SCN7A: variants seen among roughly 807,000 people sequenced by gnomAD.
SCN7A encodes the protein sodium channel protein type 7 subunit alpha.
SCN7A carries 138 observed loss-of-function variants against 155.2 expected under a neutral mutation model. That is an observed-to-expected ratio of 0.89 (90% CI 0.77 to 1.02). The LOEUF (loss-of-function observed/expected upper bound fraction) is 1.02, where lower values mean the gene tolerates loss of function less well. SCN7A is among the 50% of genes least tolerant of loss of function. The pLI is 0.00. For missense variants in SCN7A, 2,058 were observed against 1,986.6 expected (o/e 1.04, Z -0.68); for synonymous variants, 693 against 649.0 (o/e 1.07, Z -1.03).
At chr2:166,414,244 A>G (rs1431906219) in intron 21 of SCN7A, among the ~76,000 whole-genome samples, 2 of 82,694 alleles carry the variant, frequency 2.4e-5, no homozygotes, top group Non-Finnish European at 4.7e-5. Context: ...CTATATATGT[A>G]AATATATATA....
chr2:166,431,363 A>G (rs1701728324), intron 16 of SCN7A, among the ~76,000 whole-genome samples: 1 of 152,246 alleles, frequency 6.6e-6, no homozygotes, highest in East Asian at 1.9e-4. Context: ...TTCCTCTTAG[A>G]AGACAATTTG....
At chr2:166,443,376 T>C (rs1701998915) in intron 14 of SCN7A, 127 bp downstream of exon 14, 4 of 742,408 alleles carry the variant, frequency 5.4e-6, no homozygotes, top group Admixed American at 3.3e-5. Context: ...ACTCTTTATA[T>C]ACTAATCAAT....
intron 11 of SCN7A, among the ~76,000 whole-genome samples, chr2:166,453,602 T>TA (rs928480838): frequency 6.6e-6 from 1 of 152,190 alleles, no homozygotes; most frequent in Non-Finnish European, 1.5e-5. Flanking sequence ...ATTTTACAGA[T>TA]AAAAAAGTTG....
chr2:166,445,919 A>C (rs1188400488), intron 12 of SCN7A, among the ~76,000 whole-genome samples: 1 of 152,206 alleles, frequency 6.6e-6, no homozygotes, highest in East Asian at 1.9e-4. Context: ...TAAAACCATA[A>C]AAACCTAGAA....
chr2:166,447,962 T>C (rs1036154848), intron 11 of SCN7A, among the ~76,000 whole-genome samples: 7 of 152,180 alleles, frequency 4.6e-5, no homozygotes, highest in Non-Finnish European at 1.0e-4. Flanking sequence ...TTTGTATTGA[T>C]AACATTTCAA....
intron 2 of SCN7A, among the ~76,000 whole-genome samples, chr2:166,485,750 C>T (rs1266553342): frequency 6.6e-6 from 1 of 152,180 alleles, no homozygotes; most frequent in East Asian, 1.9e-4. Context: ...TTCTAAAGAA[C>T]TCAATGTTCC....
chr2:166,447,802 T>C, intron 11 of SCN7A, 94 bp from the exon 12 acceptor site: 2 of 784,236 alleles, frequency 2.6e-6, no homozygotes, highest in South Asian at 3.2e-5. Context: ...ATGCCACTTA[T>C]TCTCCCGGAG....
chr2:166,481,603 T>C (rs140728180), intron 2 of SCN7A, among the ~76,000 whole-genome samples: 22 of 152,184 alleles, frequency 1.4e-4, no homozygotes, highest in African/African-American at 4.8e-4. Flanking sequence ...ATATAACCTG[T>C]ATCTGTGTTG....
rs186603831 is a variant in SCN7A, at chr2:166,406,270, A to C, written c.4359T>G (p.Pro1453=). The C allele has an allele frequency of 7.6e-4, 1,231 of 1,613,248 alleles. 1 individual carries two copies. Among genetic ancestry groups the C allele is most frequent in the Non-Finnish European group, 9.5e-4 (1,124 of 1,179,522 alleles). ...CTTGAGTCCCAGGGTTAATTTTATC[A>C]GGATCACAGTCAGACCATTTACTGT... ...IFNSKWSDCD[P]DKINPGTQVR... The change falls in exon 26 of 26, where the codon CCT becomes CCG. Residue 1453 remains proline, a synonymous_variant. Transcript: ENST00000643258.
intron 25 of SCN7A, among the ~76,000 whole-genome samples, chr2:166,408,055 CCT>C (rs1701114807): frequency 6.6e-6 from 1 of 151,960 alleles, no homozygotes; most frequent in African/African-American, 2.4e-5. Flanking sequence ...CCCTTGCAAC[CCT>C]CTCAAATACA....
chr2:166,421,211 T>C lies in SCN7A; in HGVS notation c.3114A>G (p.Leu1038=). ...SMKFLRPLRV[L]SQFERMKVVV... ...TTACCTTCATTCTTTCAAATTGAGA[T>C]AGAACTCTGAGGGGCCGAAGGAATT... Residue 1038 remains leucine (L), a synonymous_variant, in exon 20 of 26, where the codon CTA becomes CTG. Coordinates refer to ENST00000643258, the MANE Select transcript of SCN7A (RefSeq NM_002976.4). The C allele has an allele frequency of 6.5e-7, 1 of 1,530,170 alleles. No homozygotes were observed. 94.8% of individuals were successfully genotyped at this position (1,530,170 alleles called of 1,614,324 possible). A position where few individuals can be genotyped will look rare whatever the true frequency, so the allele number is the denominator to read the frequency against.
At position 166,488,471 on chromosome 2, in the gene SCN7A, A is replaced by G. The variant is rs564620861; in HGVS notation, c.-127-1503T>C. Among the ~76,000 whole-genome samples, 359 of 152,270 alleles carry G rather than the reference A, an allele frequency of 2.4e-3. 2 individuals are homozygous for G. Among genetic ancestry groups the G allele is most frequent in the Non-Finnish European group, 4.1e-3 (277 of 68,016 alleles). ...GATAGACATAAAGTTGCCTAAATCA[A>G]TAATTTTAATAGTCTAACTCTGTAG... On this transcript the variant is annotated intron_variant, in intron 1 of 25. Transcript: ENST00000643258.
At chr2:166,461,317 T>TAA (rs890141198) in intron 10 of SCN7A, among the ~76,000 whole-genome samples, 6 of 152,184 alleles carry the variant, frequency 3.9e-5, no homozygotes, top group African/African-American at 1.4e-4. Flanking sequence ...CTTCAGAAGT[T>TAA]AGAGTAATGC....
chr2:166,435,648 C>A (rs1039113967), intron 15 of SCN7A, among the ~76,000 whole-genome samples: 7 of 151,902 alleles, frequency 4.6e-5, no homozygotes, highest in African/African-American at 1.7e-4. Flanking sequence ...TGTATTGAGG[C>A]TATTTAATTT....
rs578153601 is a variant in SCN7A, at chr2:166,417,183, C to T, written c.3136-198G>A. ...ATTCAATTTTTATTTAGAAAATACA[C>T]TCAAATCAGGCTGGGCGTGGTGGCT... On this transcript the variant is annotated intron_variant, in intron 20 of 25. Coordinates refer to ENST00000643258, the MANE Select transcript of SCN7A (RefSeq NM_002976.4). Among the ~76,000 whole-genome samples, 30 of 152,152 alleles carry T rather than the reference C, an allele frequency of 2.0e-4. No individual in the cohort carries two copies. The East Asian group carries it at 4.3e-3, about 22-fold the overall frequency.
chr2:166,406,996 G>C (rs2105356926), intron 25 of SCN7A, among the ~76,000 whole-genome samples: 1 of 152,100 alleles, frequency 6.6e-6, no homozygotes, highest in Middle Eastern at 3.4e-3. Flanking sequence ...AAGAAACTTA[G>C]TTCCATGCAA....
At chr2:166,477,974 A>G (rs1162718777) in intron 2 of SCN7A, among the ~76,000 whole-genome samples, 2 of 151,932 alleles carry the variant, frequency 1.3e-5, no homozygotes, top group Admixed American at 6.6e-5. Flanking sequence ...CTTCTCCATT[A>G]TAATAAAAGA....
chr2:166,409,974 A>T, intron 24 of SCN7A, 39 bp from the exon 25 acceptor site: 1 of 1,478,164 alleles, frequency 6.8e-7, no homozygotes, highest in Non-Finnish European at 9.1e-7. Flanking sequence ...TCTTATTAAT[A>T]GGATACATAT....
intron 10 of SCN7A, among the ~76,000 whole-genome samples, chr2:166,461,444 G>A (rs1188096177): frequency 6.6e-6 from 1 of 152,054 alleles, no homozygotes; most frequent in Non-Finnish European, 1.5e-5. Flanking sequence ...TACATAATTA[G>A]TTACGAATAC....
Sources: allele counts gnomAD v4.1 joint callset (sites outside exome capture counted in the v4.1 genomes callset), GRCh38; gene constraint gnomAD v4.1.1; transcripts MANE v1.5; gene names NCBI Gene and HGNC (gene_info 2026-07-23, HGNC 2026-07-21).